Variants in HMCN1 observed in about 807,000 individuals in gnomAD.
The protein encoded by HMCN1 is hemicentin-1.
A neutral mutation model predicts 625.9 loss-of-function variants in HMCN1; 321 were observed. The ratio of observed to expected loss-of-function variants is 0.51; its 90% CI spans 0.47 to 0.56. HMCN1 has a LOEUF of 0.56. Ranked by LOEUF, HMCN1 falls within the 20% of genes least tolerant of loss-of-function variation. The pLI is 0.00. For missense variants in HMCN1, 6,588 were observed against 6,887.3 expected (o/e 0.96, Z 1.54); for synonymous variants, 2,425 against 2,417.6 (o/e 1.00, Z -0.09).
At chr1:185,986,662 G>A (rs1652013143) in intron 19 of HMCN1, among the ~76,000 whole-genome samples, 1 of 151,718 alleles carries the variant, frequency 6.6e-6, no homozygotes, top group African/African-American at 2.4e-5. Flanking sequence ...TCTTCTTACT[G>A]AAAAATATTG....
intron 11 of HMCN1, among the ~76,000 whole-genome samples, chr1:185,937,894 TAA>T (rs1667896805): frequency 6.9e-6 from 1 of 144,988 alleles, no homozygotes; most frequent in Non-Finnish European, 1.5e-5. Flanking sequence ...ATAATAATAA[TAA>T]TAATAATAAT....
intron 68 of HMCN1, among the ~76,000 whole-genome samples, chr1:186,097,805 A>G (rs948339059): frequency 6.6e-6 from 1 of 152,158 alleles, no homozygotes; most frequent in Non-Finnish European, 1.5e-5. Flanking sequence ...TAAAAATACT[A>G]CAAAGCTGTA....
In HMCN1 at chr1:185,984,202, G is replaced by A. The variant is rs1558117677; in HGVS notation, c.2824G>A (p.Asp942Asn). The A allele has an allele frequency of 6.2e-7, 1 of 1,613,440 alleles. No individual in the cohort carries two copies. The highest frequency in any genetic ancestry group is 1.7e-5 in the Admixed American group (1 of 60,002). The change falls in exon 19 of 107, where the codon GAT becomes AAT. Residue 942 changes from aspartate (D) to asparagine (N), a missense_variant. By Grantham distance (23) the Asp-to-Asn change is conservative (BLOSUM62 1). Transcript: ENST00000271588. ...AAATCCTTACATCACTGTGCGCAGT[G>A]ATGGGAGCCTCCATATTGAAAGAGT... ...LQNPYITVRS[D>N]GSLHIERVQL... is the part of the protein sequence containing the mutation.
At chr1:185,778,169 G>A (rs551089104) in intron 1 of HMCN1, among the ~76,000 whole-genome samples, 1 of 152,182 alleles carries the variant, frequency 6.6e-6, no homozygotes, top group Non-Finnish European at 1.5e-5. Context: ...ATTAATCCCA[G>A]CAGCTCTTAG....
At chr1:186,124,119 T>C (rs1301802079) in intron 81 of HMCN1, among the ~76,000 whole-genome samples, 1 of 152,106 alleles carries the variant, frequency 6.6e-6, no homozygotes, top group Non-Finnish European at 1.5e-5. Flanking sequence ...CAAATGTCTA[T>C]AGAAAATTTA....
chr1:185,923,467 A>G lies in HMCN1; in HGVS notation c.1099A>G (p.Ile367Val). The change falls in exon 8 of 107, where the codon ATC becomes GTC. Residue 367 changes from isoleucine to valine, a missense_variant. Ile to Val is a conservative substitution (Grantham distance 29, BLOSUM62 3). This residue lies in a region of HMCN1 where 4,628 missense variants were observed against 4,853.1 expected (regional missense o/e 0.95). Coordinates refer to ENST00000271588, the MANE Select transcript of HMCN1 (RefSeq NM_031935.3). ...ARIDLLELLS[I>V]SGSSLKTIPV... ...AATAGATCTTCTTGAACTTTTGAGT[A>G]TCTCAGGAAGTTCTCTTAAGACTAT... is the stretch of plus-strand genomic sequence containing the variant. 1.2e-6 allele frequency: 2 copies of G among 1,610,430 alleles called. No individual in the cohort carries two copies. Among genetic ancestry groups the G allele is most frequent in the South Asian group, 1.1e-5 (1 of 90,988 alleles).
intron 1 of HMCN1, among the ~76,000 whole-genome samples, chr1:185,814,302 T>C (rs923392345): frequency 6.6e-6 from 1 of 152,136 alleles, no homozygotes; most frequent in African/African-American, 2.4e-5. Flanking sequence ...GATTACATTT[T>C]TTTCTGGAAC....
At chr1:186,026,428 G>A (rs1486920372) in intron 36 of HMCN1, among the ~76,000 whole-genome samples, 8 of 152,266 alleles carry the variant, frequency 5.3e-5, no homozygotes, top group Non-Finnish European at 1.5e-5. Context: ...GCCAATAGCA[G>A]AAGTTACAGT....
At chr1:185,783,483 C>G (rs1470958000) in intron 1 of HMCN1, among the ~76,000 whole-genome samples, 1 of 152,026 alleles carries the variant, frequency 6.6e-6, no homozygotes, top group African/African-American at 2.4e-5. Context: ...GTTTTATCTA[C>G]CTTTGGTCTT....
chr1:186,083,906 C>T (rs1431633987), intron 57 of HMCN1, among the ~76,000 whole-genome samples: 9 of 152,050 alleles, frequency 5.9e-5, no homozygotes, highest in Admixed American at 5.9e-4. Flanking sequence ...ATAAATCTAA[C>T]CAGAGCAGGA....
At chr1:185,877,702 G>A (rs1402306535) in intron 4 of HMCN1, among the ~76,000 whole-genome samples, 1 of 151,620 alleles carries the variant, frequency 6.6e-6, no homozygotes, top group Admixed American at 6.6e-5. Context: ...TATATTCTTA[G>A]GTATTTTACT....
In HMCN1 at chr1:185,890,436, T is replaced by A. The variant is rs926950383; in HGVS notation, c.622-18901T>A. 1.4e-5 allele frequency among the ~76,000 whole-genome samples: 2 copies of A among 146,822 alleles called. 1 individual carries two copies. Among genetic ancestry groups the A allele is most frequent in the African/African-American group, 5.5e-5 (2 of 36,552 alleles). ...AATTTTGGATCTTTCCTGCTTTCTCTTGTGGGCATTTAGTGCTATAAATTT... is the reference window on the plus strand; with the variant it reads ...AATTTTGGATCTTTCCTGCTTTCTCATGTGGGCATTTAGTGCTATAAATTT... On this transcript the variant is annotated intron_variant, in intron 4 of 106. Coordinates refer to ENST00000271588, the MANE Select transcript of HMCN1 (RefSeq NM_031935.3).
intron 100 of HMCN1, 32 bp from the exon 101 acceptor site, chr1:186,171,305 G>A (rs1172071937): frequency 1.3e-5 from 18 of 1,436,178 alleles, no homozygotes; most frequent in Non-Finnish European, 1.6e-5. Flanking sequence ...TTTCCTAATA[G>A]CATATAATGA....
At chr1:185,774,026 T>G in intron 1 of HMCN1, among the ~76,000 whole-genome samples, 1 of 152,186 alleles carries the variant, frequency 6.6e-6, no homozygotes, top group Non-Finnish European at 1.5e-5. Context: ...GGTGATATGA[T>G]GTGATACAGA....
At chr1:185,970,526 T>C in intron 15 of HMCN1, 33 bp downstream of exon 15, 1 of 1,546,442 alleles carries the variant, frequency 6.5e-7, no homozygotes, top group Non-Finnish European at 8.9e-7. Flanking sequence ...CCAATTTGTT[T>C]AGAAATTGAT....
intron 10 of HMCN1, among the ~76,000 whole-genome samples, chr1:185,929,290 G>A (rs1246938042): frequency 6.6e-6 from 1 of 152,106 alleles, no homozygotes; most frequent in Non-Finnish European, 1.5e-5. Flanking sequence ...AAGACGGGCA[G>A]AAGTAATGCT....
intron 95 of HMCN1, among the ~76,000 whole-genome samples, chr1:186,152,505 AG>A (rs1165729514): frequency 2.5e-4 from 38 of 152,366 alleles, no homozygotes; most frequent in Middle Eastern, 3.4e-3. Flanking sequence ...GTGAATTTAA[AG>A]TATGAAATTC....
chr1:186,137,585 A>G lies in HMCN1; in HGVS notation c.13670A>G (p.Asn4557Ser), dbSNP rs748427099. 4 of 1,613,948 alleles carry G rather than the reference A, an allele frequency of 2.5e-6. No homozygotes were observed. Among genetic ancestry groups the G allele is most frequent in the African/African-American group, 2.7e-5 (2 of 75,042 alleles). Residue 4557 changes from asparagine to serine, a missense_variant, in exon 88 of 107, where the codon AAC (asparagine) becomes AGC (serine). This residue lies in a region of HMCN1 where 1,954 missense variants were observed against 2,013.1 expected (regional missense o/e 0.97). Coordinates refer to ENST00000271588, the MANE Select transcript of HMCN1 (RefSeq NM_031935.3). ...ATCCAAAAGAGGAGTCGTCTGTGCA[A>G]CCAGCCCCTTCCAGCCAATGGTGGG... ...KGIQKRSRLC[N>S]QPLPANGGKP...
At chr1:186,164,331 C>A (rs1035167811) in intron 97 of HMCN1, among the ~76,000 whole-genome samples, 2 of 151,378 alleles carry the variant, frequency 1.3e-5, no homozygotes, top group Non-Finnish European at 2.9e-5. Context: ...GCTCCGCCTC[C>A]TGGGTTCACG....
Sources: allele counts gnomAD v4.1 joint callset (sites outside exome capture counted in the v4.1 genomes callset), GRCh38; gene constraint gnomAD v4.1.1; regional missense constraint gnomAD v4.1.1; transcripts MANE v1.5; gene names NCBI Gene and HGNC (gene_info 2026-07-23, HGNC 2026-07-21).